Variants in ASB4 observed in about 807,000 individuals in gnomAD.
The protein encoded by ASB4 is ankyrin repeat and SOCS box protein 4.
Under a neutral mutation model 38.6 loss-of-function variants are expected in ASB4, and 35 were observed. That is an observed-to-expected ratio of 0.91 (90% CI 0.69 to 1.20). ASB4 has a LOEUF of 1.20. Among genes scored for constraint, ASB4 ranks in the 50% most tolerant of loss-of-function variants. The pLI is 0.00. For synonymous variants in ASB4, 195 were observed against 201.3 expected (o/e 0.97, Z 0.26); for missense variants, 557 against 527.2 (o/e 1.06, Z -0.55).
the ASB4 span, among the ~76,000 whole-genome samples, chr7:95,473,164 G>T: frequency 3.3e-5 from 5 of 152,148 alleles, no homozygotes; most frequent in African/African-American, 1.2e-4. Context: ...GACAAAAAGG[G>T]AATTTCTCAC....
At chr7:95,513,141 C>CGAAAT (rs1562816215) in intron 2 of ASB4, among the ~76,000 whole-genome samples, 1 of 151,170 alleles carries the variant, frequency 6.6e-6, no homozygotes, top group Non-Finnish European at 1.5e-5. Context: ...GCCATGGTCA[C>CGAAAT]GAAATGTGGG....
chr7:95,547,954 T>A, the ASB4 span, among the ~76,000 whole-genome samples: 1 of 152,232 alleles, frequency 6.6e-6, no homozygotes, highest in African/African-American at 2.4e-5. Flanking sequence ...ATATTTTTTA[T>A]CTCTCTTTCT....
At chr7:95,484,880 T>A (rs43066), upstream of ASB4, among the ~76,000 whole-genome samples, 28,989 of 151,704 alleles carry the variant, frequency 0.19, 2,985 homozygotes, top group Middle Eastern at 0.32. Flanking sequence ...TGGATACCAA[T>A]ATATCCCTTA....
At chr7:95,537,184 T>C (rs1379551321) in intron 4 of ASB4, among the ~76,000 whole-genome samples, 3 of 152,234 alleles carry the variant, frequency 2.0e-5, no homozygotes, top group African/African-American at 4.8e-5. Flanking sequence ...CTGCTACTTA[T>C]TGGCTGTGTT....
At chr7:95,521,096 T>G (rs1445864084) in intron 2 of ASB4, among the ~76,000 whole-genome samples, 4 of 152,192 alleles carry the variant, frequency 2.6e-5, no homozygotes, top group African/African-American at 7.2e-5. Context: ...GTCTTTCTAT[T>G]TATGAACATA....
At chr7:95,498,890 G>T (rs989863025) in intron 2 of ASB4, among the ~76,000 whole-genome samples, 1 of 152,042 alleles carries the variant, frequency 6.6e-6, no homozygotes, top group Non-Finnish European at 1.5e-5. Flanking sequence ...AACACCATTT[G>T]TTGAAAAGAA....
chr7:95,473,720 G>T (rs540845624), upstream of ASB4: 1 of 151,830 alleles, frequency 6.6e-6, no homozygotes, highest in Non-Finnish European at 1.5e-5. Flanking sequence ...TGAAGAAGCG[G>T]TTCCTGTTTT....
chr7:95,532,251 A>G (rs546700981), intron 3 of ASB4, among the ~76,000 whole-genome samples: 3 of 152,352 alleles, frequency 2.0e-5, no homozygotes, highest in Non-Finnish European at 4.4e-5. Context: ...TACAAGGAAC[A>G]AGGTCAGAGC....
rs530574425 is a variant in ASB4 at position 95,498,829 on chromosome 7, A to G, written c.487+2772A>G. Among the ~76,000 whole-genome samples the G allele has an allele frequency of 2.0e-5, 3 of 152,222 alleles. No individual in the cohort carries two copies. The South Asian group carries it at 6.2e-4, about 32-fold the overall frequency. On this transcript the variant is annotated intron_variant, in intron 2 of 4. Coordinates refer to ENST00000325885, the MANE Select transcript of ASB4 (RefSeq NM_016116.3). ...TTTTGAGTTAATTTTTTTATATGGT[A>G]TAAGTTATGGGTTAGGTTCGTCTTT...
chr7:95,511,706 G>C (rs1248186937), intron 2 of ASB4, among the ~76,000 whole-genome samples: 2 of 151,962 alleles, frequency 1.3e-5, no homozygotes, highest in Admixed American at 6.6e-5. Flanking sequence ...AGCTGGATAT[G>C]GCATTTATTT....
chr7:95,520,087 A>G (rs1184448644), intron 2 of ASB4, among the ~76,000 whole-genome samples: 1 of 152,232 alleles, frequency 6.6e-6, no homozygotes, highest in Non-Finnish European at 1.5e-5. Flanking sequence ...CCTTTAATAA[A>G]ATATTAAATT....
At chr7:95,492,103 GGA>G (rs1393483834) in intron 1 of ASB4, among the ~76,000 whole-genome samples, 10 of 152,134 alleles carry the variant, frequency 6.6e-5, no homozygotes, top group Non-Finnish European at 1.3e-4. Flanking sequence ...TCCTATCTTA[GGA>G]GAGGTGAGTT....
At chr7:95,497,996 A>G (rs944755704) in intron 2 of ASB4, among the ~76,000 whole-genome samples, 5 of 152,332 alleles carry the variant, frequency 3.3e-5, no homozygotes, top group Admixed American at 2.6e-4. Context: ...AAACATTTGC[A>G]TACAGGTTTT....
At chr7:95,491,275 C>T (rs899012845) in intron 1 of ASB4, among the ~76,000 whole-genome samples, 1 of 152,154 alleles carries the variant, frequency 6.6e-6, no homozygotes, top group African/African-American at 2.4e-5. Flanking sequence ...AGTGGAGCTT[C>T]TTATTCAAAC....
At chr7:95,508,585 G>C (rs912561596) in intron 2 of ASB4, among the ~76,000 whole-genome samples, 1 of 152,152 alleles carries the variant, frequency 6.6e-6, no homozygotes, top group Non-Finnish European at 1.5e-5. Flanking sequence ...GATGCTACTA[G>C]TCTTGCACAG....
At chr7:95,540,863 G>A (rs12535948), downstream of ASB4, among the ~76,000 whole-genome samples, 3,443 of 152,284 alleles carry the variant, frequency 0.023, 80 homozygotes, top group Admixed American at 0.057. Flanking sequence ...AACGATGATT[G>A]TAGGGATAAG....
the ASB4 span, among the ~76,000 whole-genome samples, chr7:95,550,949 A>G: frequency 6.6e-6 from 1 of 152,070 alleles, no homozygotes; most frequent in Non-Finnish European, 1.5e-5. Context: ...AATATTTACC[A>G]TGTTTTTTCC....
rs898160085 is a variant in ASB4, at chr7:95,496,073, T to C, written c.487+16T>C. 5.6e-6 allele frequency: 9 copies of C among 1,602,514 alleles called. No homozygotes were observed. The highest frequency in any genetic ancestry group is 2.6e-6 in the Non-Finnish European group (3 of 1,172,380). ...GTTTGGAGAGGTAAGCCTTTCTGGGTGGCCAACATTGTTGTCTGCTTGTAC... is the reference window on the plus strand; with the variant it reads ...GTTTGGAGAGGTAAGCCTTTCTGGGCGGCCAACATTGTTGTCTGCTTGTAC... On this transcript the variant is annotated intron_variant, in intron 2 of 4. Transcript: ENST00000325885.
At chr7:95,471,081 GTTTCTCATTTTTCTGTCCCCTTGGCTCA>G in the ASB4 span, among the ~76,000 whole-genome samples, 1 of 152,010 alleles carries the variant, frequency 6.6e-6, no homozygotes, top group Non-Finnish European at 1.5e-5. Flanking sequence ...TCCTCAAAAT[GTTTCTCATTTTTCTGTCCCCTTGGCTCA>G]TTTCTAAGTG....
Sources: allele counts gnomAD v4.1 joint callset (sites outside exome capture counted in the v4.1 genomes callset), GRCh38; gene constraint gnomAD v4.1.1; transcripts MANE v1.5; gene names NCBI Gene and HGNC (gene_info 2026-07-23, HGNC 2026-07-21).